Variants in SMIM20 observed in about 807,000 individuals in gnomAD.
The protein encoded by SMIM20 is mitochondrial translation regulation assembly intermediate of cytochrome c oxidase protein of 7 kDa.
SMIM20 carries 3 observed loss-of-function variants against 8.7 expected under a neutral mutation model. The observed-to-expected ratio is 0.34, with a 90% CI of 0.16 to 0.89. SMIM20 has a LOEUF of 0.89. Among genes scored for constraint, SMIM20 ranks in the 40% least tolerant of loss-of-function variants. The probability of loss-of-function intolerance (pLI) is 0.49; values close to 1 mark genes in which losing one functional copy is unlikely to be tolerated. For synonymous variants in SMIM20, 44 were observed against 33.6 expected, an observed-to-expected ratio of 1.31 and a Z score of -1.07; for missense variants, 85 against 84.8, an observed-to-expected ratio of 1.00 and a Z score of -0.01.
chr4:25,919,097 G>C (rs1412645277), intron 1 of SMIM20, among the ~76,000 whole-genome samples: 203 of 148,006 alleles, frequency 1.4e-3, no homozygotes, highest in African/African-American at 4.7e-3. Context: ...GTAGAGACGG[G>C]GTTTCACCTT....
Position 25,929,515 on chromosome 4 carries a change from C to A in SMIM20, c.*324C>A. 1 of 246,048 alleles carries A rather than the reference C, an allele frequency of 4.1e-6. No individual in the cohort carries two copies. The highest frequency in any genetic ancestry group is 7.8e-6 in the Non-Finnish European group (1 of 128,448). 15.2% of individuals were successfully genotyped at this position (246,048 alleles called of 1,614,324 possible). On this transcript the variant is annotated 3_prime_UTR_variant, in exon 3 of 3. Coordinates refer to ENST00000506197, the MANE Select transcript of SMIM20 (RefSeq NM_001145432.3). ...TGTCGTTACCACTTACTCAAGCGAG[C>A]TGTGATATGAATACAAGCAACCAGT...
At chr4:25,929,090 G>A in intron 2 of SMIM20, 64 bp from the exon 3 acceptor site, 1 of 1,530,350 alleles carries the variant, frequency 6.5e-7, no homozygotes. Flanking sequence ...GTTTGTTTGG[G>A]GTGGAGGAAA....
intron 1 of SMIM20, among the ~76,000 whole-genome samples, chr4:25,918,858 A>G (rs73260014): frequency 1.7e-3 from 204 of 123,452 alleles, no homozygotes; most frequent in South Asian, 5.0e-3. Flanking sequence ...TTCTCTCCTT[A>G]TACACGCAGA....
At chr4:25,926,976 T>G (rs1711528084) in intron 1 of SMIM20, among the ~76,000 whole-genome samples, 2 of 152,216 alleles carry the variant, frequency 1.3e-5, no homozygotes, top group African/African-American at 4.8e-5. Context: ...GGGGCTCAGT[T>G]CTACAATGAT....
rs967270284 is a variant in SMIM20, at chr4:25,929,310, C to T, written c.*119C>T. 56 of 960,410 alleles carry T rather than the reference C, an allele frequency of 5.8e-5. No individual in the cohort carries two copies. Among genetic ancestry groups the T allele is most frequent in the Middle Eastern group, 4.3e-4 (2 of 4,678 alleles). The allele number at this position is 960,410 out of a possible 1,614,324, so 59.5% of individuals were successfully genotyped here. A position where few individuals can be genotyped will look rare whatever the true frequency, so the allele number is the denominator to read the frequency against. Reference sequence around the variant, plus strand: ...GCTGGAGAAGAAAACTCTGTAATACCATAAATAAGAGTGCTTGTAATAAAA... The same window carrying T: ...GCTGGAGAAGAAAACTCTGTAATACTATAAATAAGAGTGCTTGTAATAAAA... On this transcript the variant is annotated 3_prime_UTR_variant, in exon 3 of 3. Coordinates refer to ENST00000506197, the MANE Select transcript of SMIM20 (RefSeq NM_001145432.3).
intron 1 of SMIM20, among the ~76,000 whole-genome samples, chr4:25,920,767 T>A (rs1291601711): frequency 6.6e-6 from 1 of 152,222 alleles, no homozygotes; most frequent in East Asian, 1.9e-4. Context: ...GGAAAATCTT[T>A]TATACAGTGT....
intron 1 of SMIM20, among the ~76,000 whole-genome samples, chr4:25,914,713 T>C (rs1223176308): frequency 1.3e-5 from 2 of 152,220 alleles, no homozygotes; most frequent in African/African-American, 4.8e-5. Flanking sequence ...AAGTCGACGC[T>C]AAGTACCAGT....
intron 1 of SMIM20, among the ~76,000 whole-genome samples, chr4:25,924,023 C>T (rs1719245063): frequency 6.6e-6 from 1 of 152,100 alleles, no homozygotes; most frequent in Non-Finnish European, 1.5e-5. Context: ...TCCCCTCCGT[C>T]CCTGGTTCTT....
chr4:25,928,145 G>A (rs1239429078), intron 1 of SMIM20, 168 bp from the exon 2 acceptor site: 3 of 523,770 alleles, frequency 5.7e-6, no homozygotes, highest in East Asian at 6.6e-5. Context: ...TTGCATTATA[G>A]GATCTAACTT....
chr4:25,929,150 A>G lies in SMIM20; in HGVS notation c.167-4A>G, dbSNP rs372734295. ...CCTGTTTTTGTTCCTGTTTCTTTCC[A>G]TAGGGTTAAAAGTGTGGTCTGATCC... On this transcript the variant is annotated splice_region_variant and splice_polypyrimidine_tract_variant and intron_variant, in intron 2 of 2. Transcript: ENST00000506197. 4 of 1,551,720 alleles carry G rather than the reference A, an allele frequency of 2.6e-6. No homozygotes were observed. Among genetic ancestry groups the G allele is most frequent in the Admixed American group, 2.0e-5 (1 of 50,972 alleles).
At chr4:25,925,363 A>G (rs1222256258) in intron 1 of SMIM20, among the ~76,000 whole-genome samples, 2 of 151,946 alleles carry the variant, frequency 1.3e-5, no homozygotes, top group African/African-American at 2.4e-5. Flanking sequence ...TAGCCTCCCA[A>G]GTAGCTGGGA....
chr4:25,926,924 C>T (rs1309438332), intron 1 of SMIM20, among the ~76,000 whole-genome samples: 1 of 152,108 alleles, frequency 6.6e-6, no homozygotes, highest in Non-Finnish European at 1.5e-5. Context: ...AGAGCATGTT[C>T]GAGACATCCA....
At chr4:25,925,604 C>T (rs1044041493) in intron 1 of SMIM20, among the ~76,000 whole-genome samples, 4 of 152,122 alleles carry the variant, frequency 2.6e-5, no homozygotes, top group African/African-American at 9.7e-5. Context: ...ATACCTTGCA[C>T]CAGCTTTCAT....
intron 1 of SMIM20, among the ~76,000 whole-genome samples, chr4:25,916,363 A>G (rs752701829): frequency 2.0e-5 from 3 of 151,548 alleles, no homozygotes; most frequent in Non-Finnish European, 4.4e-5. Flanking sequence ...GGTACCTGCC[A>G]CCATGCCCAG....
intron 2 of SMIM20, among the ~76,000 whole-genome samples, 184 bp from the exon 3 acceptor site, chr4:25,928,970 C>G (rs1711581962): frequency 6.6e-6 from 1 of 152,164 alleles, no homozygotes; most frequent in South Asian, 2.1e-4. Context: ...TTTAAAAGTC[C>G]CTTATGGCAG....
intron 1 of SMIM20, among the ~76,000 whole-genome samples, chr4:25,916,478 C>T (rs1719094487): frequency 6.6e-6 from 1 of 151,998 alleles, no homozygotes; most frequent in South Asian, 2.1e-4. Flanking sequence ...TCCCAAAGTG[C>T]TGGGATTATA....
rs555895253 is a variant in SMIM20 at position 25,915,122 on chromosome 4, T to C, written c.109+700T>C. Among the ~76,000 whole-genome samples, 5 of 152,330 alleles carry C rather than the reference T, an allele frequency of 3.3e-5. No individual in the cohort carries two copies. The South Asian group carries it at 1.0e-3, about 32-fold the overall frequency. ...GGGTTTGTAGTGTTTTCTCTTCTTT[T>C]TCCTCAAATTGTTTTTCCGATTCTG... is the stretch of plus-strand genomic sequence containing the variant. On this transcript the variant is annotated intron_variant, in intron 1 of 2. Coordinates refer to ENST00000506197, the MANE Select transcript of SMIM20 (RefSeq NM_001145432.3).
At chr4:25,916,243 C>T (rs1476878774) in intron 1 of SMIM20, among the ~76,000 whole-genome samples, 2 of 151,834 alleles carry the variant, frequency 1.3e-5, no homozygotes, top group East Asian at 1.9e-4. Context: ...TCTTTTTTTC[C>T]GCTGTCACCC....
chr4:25,922,805 G>T (rs2109364667), intron 1 of SMIM20, among the ~76,000 whole-genome samples: 1 of 152,228 alleles, frequency 6.6e-6, no homozygotes, highest in African/African-American at 2.4e-5. Context: ...AGATCAGTCC[G>T]GGCCCTTCAC....
Sources: allele counts gnomAD v4.1 joint callset (sites outside exome capture counted in the v4.1 genomes callset), GRCh38; gene constraint gnomAD v4.1.1; transcripts MANE v1.5; gene names NCBI Gene and HGNC (gene_info 2026-07-23, HGNC 2026-07-21).